Variants in TMEM273 observed in about 807,000 individuals in gnomAD.
TMEM273 encodes the protein transmembrane protein 273.
In TMEM273, 19 loss-of-function variants were observed where a neutral mutation model predicts 17.9. The observed-to-expected ratio is 1.06, with a 90% CI of 0.74 to 1.55. The LOEUF (loss-of-function observed/expected upper bound fraction) is 1.55, where lower values mean the gene tolerates loss of function less well. Among genes scored for constraint, TMEM273 ranks in the 40% most tolerant of loss-of-function variants. The pLI is 0.00. For synonymous variants in TMEM273, 66 were observed against 62.0 expected (o/e 1.07, Z -0.31); for missense variants, 194 against 155.6 (o/e 1.25, Z -1.31).
In TMEM273 at chr10:49,155,686, G is replaced by A. The variant is rs182818607; in HGVS notation, c.*206C>T. On this transcript the variant is annotated 3_prime_UTR_variant, in exon 7 of 7. Transcript: ENST00000374153. Reference sequence around the variant, plus strand: ...GCTCAATCCTTCCTCTGTGCAGTCCGTTTCTTCCAGAAGAGGCATGATATT... The same window carrying A: ...GCTCAATCCTTCCTCTGTGCAGTCCATTTCTTCCAGAAGAGGCATGATATT... 4.7e-5 allele frequency: 32 copies of A among 685,578 alleles called. No individual in the cohort carries two copies. The highest frequency in any genetic ancestry group is 3.6e-4 in the Middle Eastern group (1 of 2,740). The allele number at this position is 685,578 out of a possible 1,614,324, so 42.5% of individuals were successfully genotyped here.
chr10:49,168,636 AT>A (rs1211792196), intron 1 of TMEM273, among the ~76,000 whole-genome samples: 1 of 147,564 alleles, frequency 6.8e-6, no homozygotes, highest in African/African-American at 2.5e-5. Context: ...CACAGGAGGC[AT>A]TAATAGACAT....
At chr10:49,184,611 T>C (rs997598796) in intron 1 of TMEM273, among the ~76,000 whole-genome samples, 13 of 152,254 alleles carry the variant, frequency 8.5e-5, no homozygotes, top group African/African-American at 3.1e-4. Context: ...CCTCTCTAAT[T>C]GTCAAGAATT....
At chr10:49,181,393 A>G (rs1373475558) in intron 1 of TMEM273, among the ~76,000 whole-genome samples, 2 of 152,264 alleles carry the variant, frequency 1.3e-5, no homozygotes, top group African/African-American at 2.4e-5. Flanking sequence ...GATAAAGGAA[A>G]GAGAAATGCG....
chr10:49,172,707 C>T (rs538140696), intron 1 of TMEM273, among the ~76,000 whole-genome samples: 4 of 152,242 alleles, frequency 2.6e-5, no homozygotes, highest in Non-Finnish European at 5.9e-5. Context: ...TCAATGGCCT[C>T]ATTGCACACA....
chr10:49,169,098 T>G (rs1417920400), intron 1 of TMEM273, among the ~76,000 whole-genome samples: 1 of 152,138 alleles, frequency 6.6e-6, no homozygotes, highest in Non-Finnish European at 1.5e-5. Flanking sequence ...CAGACGTGAA[T>G]GTGAATCCAG....
chr10:49,184,852 T>C (rs1272396362), intron 1 of TMEM273, among the ~76,000 whole-genome samples: 1 of 152,234 alleles, frequency 6.6e-6, no homozygotes, highest in East Asian at 1.9e-4. Context: ...ACCTAAATTC[T>C]GACAGTATGG....
In TMEM273 at chr10:49,186,068, GGAAGAA is replaced by G. The variant is rs35480919; in HGVS notation, c.43+2220_43+2225del. ...AAGAAGAAGAGGAAGAAGAAGAAGA[GGAAGAA>G]GAAGAAGAAGAAGAAGAAGAAGAAG... is the stretch of plus-strand genomic sequence containing the variant. On this transcript the variant is annotated intron_variant, in intron 1 of 6. Coordinates refer to ENST00000374153, the MANE Select transcript of TMEM273 (RefSeq NM_001288740.3). 1.1e-3 allele frequency among the ~76,000 whole-genome samples: 75 copies of G among 67,190 alleles called. 1 individual carries two copies. The highest frequency in any genetic ancestry group is 8.2e-3 in the Middle Eastern group (1 of 122). The allele number at this position is 67,190 out of a possible 152,430, so 44.1% of individuals were successfully genotyped here. A position where few individuals can be genotyped will look rare whatever the true frequency, so the allele number is the denominator to read the frequency against.
Position 49,155,850 on chromosome 10 carries a change from A to C in TMEM273, c.*42T>G. On this transcript the variant is annotated 3_prime_UTR_variant, in exon 7 of 7. Transcript: ENST00000374153. ...AGATGTTAACCATGGGCTGTTTTCC[A>C]CGGGGCTAGAACCCCTCTTCACGTC... 1 of 1,614,006 alleles carries C rather than the reference A, an allele frequency of 6.2e-7. No individual in the cohort carries two copies. Among genetic ancestry groups the C allele is most frequent in the Non-Finnish European group, 8.5e-7 (1 of 1,180,012 alleles).
At position 49,155,839 on chromosome 10, in the gene TMEM273, G is replaced by T; in HGVS notation, c.*53C>A. 6.2e-7 allele frequency: 1 copy of T among 1,613,872 alleles called. No individual in the cohort carries two copies. Among genetic ancestry groups the T allele is most frequent in the East Asian group, 2.2e-5 (1 of 44,892 alleles). ...AGAACATCCTGAGATGTTAACCATG[G>T]GCTGTTTTCCACGGGGCTAGAACCC... is the stretch of plus-strand genomic sequence containing the variant. On this transcript the variant is annotated 3_prime_UTR_variant, in exon 7 of 7. Coordinates refer to ENST00000374153, the MANE Select transcript of TMEM273 (RefSeq NM_001288740.3).
chr10:49,163,079 C>G (rs536774200), intron 5 of TMEM273, among the ~76,000 whole-genome samples: 1 of 152,102 alleles, frequency 6.6e-6, no homozygotes, highest in Admixed American at 6.5e-5. Flanking sequence ...ATTGTGCCAA[C>G]CCCCCTAGGG....
chr10:49,182,055 T>C (rs1847378091), intron 1 of TMEM273, among the ~76,000 whole-genome samples: 1 of 152,228 alleles, frequency 6.6e-6, no homozygotes, highest in African/African-American at 2.4e-5. Flanking sequence ...ACTCTTGCCC[T>C]ATCAGGAAGT....
chr10:49,172,070 C>A (rs1344704531), intron 1 of TMEM273, among the ~76,000 whole-genome samples: 3 of 152,232 alleles, frequency 2.0e-5, no homozygotes, highest in Non-Finnish European at 4.4e-5. Context: ...GATGCCCGGC[C>A]ATAGTCTTCT....
intron 6 of TMEM273, among the ~76,000 whole-genome samples, chr10:49,156,644 G>A (rs1454690414): frequency 6.6e-6 from 1 of 152,176 alleles, no homozygotes; most frequent in East Asian, 1.9e-4. Flanking sequence ...TGTATATTCA[G>A]TCACAGTCTC....
chr10:49,184,436 A>G (rs981975502), intron 1 of TMEM273, among the ~76,000 whole-genome samples: 2 of 152,264 alleles, frequency 1.3e-5, no homozygotes, highest in African/African-American at 4.8e-5. Context: ...CCAGAATACT[A>G]CATAAAAGAC....
chr10:49,181,810 G>T (rs1475528065), intron 1 of TMEM273, among the ~76,000 whole-genome samples: 2 of 145,628 alleles, frequency 1.4e-5, no homozygotes, highest in African/African-American at 2.5e-5. Flanking sequence ...GCTATCAAAA[G>T]CACAGTCCAC....
intron 2 of TMEM273, among the ~76,000 whole-genome samples, chr10:49,167,473 G>T (rs1590205451): frequency 6.6e-6 from 1 of 152,250 alleles, no homozygotes; most frequent in African/African-American, 2.4e-5. Flanking sequence ...GAGAGGCTGG[G>T]TTGGCCTAGA....
At chr10:49,171,330 AG>A (rs5784794) in intron 1 of TMEM273, among the ~76,000 whole-genome samples, 152,365 of 152,366 alleles carry the variant, frequency 1, 76,182 homozygotes, top group Middle Eastern at 1. Flanking sequence ...GCCAGAATAC[AG>A]GCCCTTGCTG....
rs562204531 is a variant in TMEM273 at position 49,163,221 on chromosome 10, C to T, written c.349-1599G>A. 2.6e-5 allele frequency among the ~76,000 whole-genome samples: 4 copies of T among 152,088 alleles called. No homozygotes were observed. The South Asian group carries it at 8.3e-4, about 32-fold the overall frequency. On this transcript the variant is annotated intron_variant, in intron 5 of 6. Transcript: ENST00000374153. ...TTTGGGGGCACTGGGAGCAGTTCGGCATGTTTCTTCTATAAAAAGGAATGT... is the reference window on the plus strand; with the variant it reads ...TTTGGGGGCACTGGGAGCAGTTCGGTATGTTTCTTCTATAAAAAGGAATGT...
chr10:49,179,927 C>A (rs1163330207), intron 1 of TMEM273, among the ~76,000 whole-genome samples: 1 of 152,234 alleles, frequency 6.6e-6, no homozygotes, highest in Non-Finnish European at 1.5e-5. Flanking sequence ...AAGCCCCACC[C>A]TCATCAACAG....
Sources: gnomAD v4.1 joint callset for allele counts (sites outside exome capture counted in the v4.1 genomes callset) on GRCh38, gnomAD v4.1.1 for gene constraint, MANE v1.5 for transcripts, NCBI Gene and HGNC (gene_info 2026-07-23, HGNC 2026-07-21) for gene names.